FBXL7: variants seen among roughly 807,000 people sequenced by gnomAD.
The protein encoded by FBXL7 is F-box/LRR-repeat protein 7.
Under a neutral mutation model 38.3 loss-of-function variants are expected in FBXL7, and 12 were observed. That is an observed-to-expected ratio of 0.31 (90% CI 0.20 to 0.51). The LOEUF is 0.51. FBXL7 is among the 20% of genes least tolerant of loss of function. The pLI is 0.98. For synonymous variants in FBXL7, 297 were observed against 300.9 expected, an observed-to-expected ratio of 0.99 and a Z score of 0.13; for missense variants, 567 against 676.4, an observed-to-expected ratio of 0.84 and a Z score of 1.79.
chr5:15,629,482 C>G (rs1353737083), intron 2 of FBXL7, among the ~76,000 whole-genome samples: 1 of 152,158 alleles, frequency 6.6e-6, no homozygotes, highest in Non-Finnish European at 1.5e-5. Flanking sequence ...GCTTCATTGG[C>G]TGCAAGGCTT....
At chr5:15,899,726 C>A (rs2126406479) in intron 2 of FBXL7, among the ~76,000 whole-genome samples, 1 of 152,154 alleles carries the variant, frequency 6.6e-6, no homozygotes, top group African/African-American at 2.4e-5. Context: ...ACAAAAAGAC[C>A]CATAATCTAA....
chr5:15,710,562 A>ATATTT (rs1343191545), intron 2 of FBXL7, among the ~76,000 whole-genome samples: 1 of 152,182 alleles, frequency 6.6e-6, no homozygotes, highest in Non-Finnish European at 1.5e-5. Context: ...TGATGCCGTA[A>ATATTT]TATTTTGATT....
chr5:15,574,112 A>G (rs895714020), intron 1 of FBXL7, among the ~76,000 whole-genome samples: 3 of 152,180 alleles, frequency 2.0e-5, no homozygotes, highest in African/African-American at 7.2e-5. Flanking sequence ...TATTAATTCA[A>G]AGCCATTACA....
At chr5:15,915,509 G>A (rs1159491056) in intron 2 of FBXL7, among the ~76,000 whole-genome samples, 1 of 152,132 alleles carries the variant, frequency 6.6e-6, no homozygotes, top group Non-Finnish European at 1.5e-5. Flanking sequence ...TGTCTTGCCT[G>A]CTTATGAAGA....
intron 2 of FBXL7, among the ~76,000 whole-genome samples, chr5:15,630,529 A>C (rs1740962464): frequency 6.6e-6 from 1 of 152,056 alleles, no homozygotes; most frequent in Admixed American, 6.6e-5. Flanking sequence ...AAGTTAAGAC[A>C]AACATTCTTA....
chr5:15,525,831 C>T (rs1317343330), intron 1 of FBXL7, among the ~76,000 whole-genome samples: 3 of 152,138 alleles, frequency 2.0e-5, no homozygotes, highest in Admixed American at 6.5e-5. Context: ...CTCTGACTCA[C>T]CTCTGAAAAT....
chr5:15,559,556 A>G (rs1029527977), intron 1 of FBXL7, among the ~76,000 whole-genome samples: 1 of 152,206 alleles, frequency 6.6e-6, no homozygotes, highest in Non-Finnish European at 1.5e-5. Flanking sequence ...AAAATCTCTT[A>G]TAGAAGACCA....
At chr5:15,668,452 A>T (rs1419000628) in intron 2 of FBXL7, among the ~76,000 whole-genome samples, 1 of 151,668 alleles carries the variant, frequency 6.6e-6, no homozygotes, top group Non-Finnish European at 1.5e-5. Context: ...TACATTTCCT[A>T]GAAGCTGGGT....
chr5:15,769,811 G>C (rs1470145367), intron 2 of FBXL7, among the ~76,000 whole-genome samples: 1 of 151,674 alleles, frequency 6.6e-6, no homozygotes, highest in South Asian at 2.1e-4. Flanking sequence ...TACCATATCA[G>C]TGTTATTTTC....
chr5:15,684,142 C>T (rs1742936774), intron 2 of FBXL7, among the ~76,000 whole-genome samples: 1 of 152,190 alleles, frequency 6.6e-6, no homozygotes, highest in Non-Finnish European at 1.5e-5. Flanking sequence ...CACCCATTCA[C>T]TTCTCAAACA....
chr5:15,899,878 T>TGTG (rs1171645339), intron 2 of FBXL7, among the ~76,000 whole-genome samples: 7 of 152,310 alleles, frequency 4.6e-5, no homozygotes, highest in South Asian at 4.1e-4. Flanking sequence ...TTAATGCTTT[T>TGTG]TAAAGATACA....
intron 1 of FBXL7, among the ~76,000 whole-genome samples, chr5:15,542,327 G>A (rs569086185): frequency 6.6e-6 from 1 of 152,108 alleles, no homozygotes; most frequent in African/African-American, 2.4e-5. Context: ...TACAGTGTGA[G>A]TATGCACATA....
intron 2 of FBXL7, among the ~76,000 whole-genome samples, chr5:15,687,404 G>GA (rs1326478454): frequency 6.6e-6 from 1 of 152,176 alleles, no homozygotes; most frequent in Non-Finnish European, 1.5e-5. Flanking sequence ...TCCCCACTTA[G>GA]AACCTGCCCC....
chr5:15,838,590 T>C (rs1305703097), intron 2 of FBXL7, among the ~76,000 whole-genome samples: 1 of 152,256 alleles, frequency 6.6e-6, no homozygotes, highest in Non-Finnish European at 1.5e-5. Flanking sequence ...TCCTCGTTGC[T>C]GAATGTAAAA....
intron 2 of FBXL7, among the ~76,000 whole-genome samples, chr5:15,744,638 C>T (rs576658904): frequency 4.6e-5 from 7 of 152,176 alleles, no homozygotes; most frequent in Non-Finnish European, 8.8e-5. Flanking sequence ...GTTCCAAAGT[C>T]GCTTCCACAT....
chr5:15,644,344 GCATGCCTGTAAT>G (rs911244970), intron 2 of FBXL7, among the ~76,000 whole-genome samples: 4 of 150,080 alleles, frequency 2.7e-5, no homozygotes, highest in African/African-American at 9.8e-5. Flanking sequence ...GCGTGGTAGT[GCATGCCTGTAAT>G]CCCAGCTACT....
chr5:15,912,990 G>T (rs561203453), intron 2 of FBXL7, among the ~76,000 whole-genome samples: 1 of 152,146 alleles, frequency 6.6e-6, no homozygotes, highest in Non-Finnish European at 1.5e-5. Flanking sequence ...ATTAAACAAT[G>T]TTTAAGTGTA....
chr5:15,913,248 T>C (rs1741488124), intron 2 of FBXL7, among the ~76,000 whole-genome samples: 1 of 139,720 alleles, frequency 7.2e-6, no homozygotes, highest in Admixed American at 7.2e-5. Flanking sequence ...TTCTTTTTTT[T>C]TTTAATGTTT....
intron 2 of FBXL7, among the ~76,000 whole-genome samples, chr5:15,695,166 G>T (rs1452799595): frequency 6.6e-6 from 1 of 152,072 alleles, no homozygotes; most frequent in Admixed American, 6.5e-5. Context: ...AAGGAAAGAT[G>T]ACCTTGAACT....
Sources: gnomAD v4.1 joint callset for allele counts (sites outside exome capture counted in the v4.1 genomes callset) on GRCh38, gnomAD v4.1.1 for gene constraint, MANE v1.5 for transcripts, NCBI Gene and HGNC (gene_info 2026-07-23, HGNC 2026-07-21) for gene names.